STARD3NL: variants seen among roughly 807,000 people sequenced by gnomAD.
The protein encoded by STARD3NL is STARD3 N-terminal-like protein.
Under a neutral mutation model 30.9 loss-of-function variants are expected in STARD3NL, and 17 were observed. The observed-to-expected ratio is 0.55, with a 90% CI of 0.38 to 0.82. The LOEUF (loss-of-function observed/expected upper bound fraction) is 0.82. Among genes scored for constraint, STARD3NL ranks in the 40% least tolerant of loss-of-function variants. The pLI, the probability that STARD3NL is intolerant of heterozygous loss-of-function variation, is 0.00. For synonymous variants in STARD3NL, 112 were observed against 100.5 expected, an observed-to-expected ratio of 1.11 and a Z score of -0.69; for missense variants, 234 against 277.6, an observed-to-expected ratio of 0.84 and a Z score of 1.12.
chr7:38,208,935 C>A (rs150813689), intron 2 of STARD3NL, among the ~76,000 whole-genome samples: 1 of 152,300 alleles, frequency 6.6e-6, no homozygotes, highest in African/African-American at 2.4e-5. Flanking sequence ...GTCACTGAAT[C>A]TCATTTAATT....
chr7:38,194,315 A>G (rs1448863931), intron 1 of STARD3NL, among the ~76,000 whole-genome samples: 3 of 152,106 alleles, frequency 2.0e-5, no homozygotes, highest in Non-Finnish European at 4.4e-5. Flanking sequence ...AAATTTGTTT[A>G]TGAAGTGTTC....
In STARD3NL at chr7:38,207,640, A is replaced by G. The variant is rs1310652315; in HGVS notation, c.136A>G (p.Lys46Glu). The G allele has an allele frequency of 6.2e-7, 1 of 1,614,022 alleles. No homozygotes were observed. The highest frequency in any genetic ancestry group is 1.1e-5 in the South Asian group (1 of 91,090). ...TGAGTCCTATGAAGGAAGGGAAAAG[A>G]AAGGCATATCTGATGTCAGGAGGAC... ...RIESYEGREK[K>E]GISDVRRTFC... The change falls in exon 2 of 9, where the codon AAA (lysine) becomes GAA (glutamate). Residue 46 changes from lysine to glutamate, a missense_variant. Lys to Glu is a moderately conservative substitution (Grantham distance 56). Coordinates refer to ENST00000009041, the MANE Select transcript of STARD3NL (RefSeq NM_032016.4).
chr7:38,226,152 G>GTTTTATTTTTTTTTTTTTTT (rs1786748710), intron 7 of STARD3NL, among the ~76,000 whole-genome samples: 1 of 102,474 alleles, frequency 9.8e-6, no homozygotes, highest in African/African-American at 3.9e-5. Context: ...TGCCTATCTT[G>GTTTTATTTTTTTTTTTTTTT]TTTTTTTTTT....
chr7:38,208,076 G>C (rs1275817846), intron 2 of STARD3NL, among the ~76,000 whole-genome samples: 3 of 152,154 alleles, frequency 2.0e-5, no homozygotes, highest in Non-Finnish European at 4.4e-5. Flanking sequence ...TTTACATATT[G>C]TTTATGGCTG....
rs1294964899 is a variant in STARD3NL at position 38,202,904 on chromosome 7, C to T, written c.-58-4543C>T. The stretch of plus-strand genomic sequence containing the variant: ...CATGTCCCTACAAAGGACATGAACT[C>T]ATCATTTTTTATGGCTGCATAGTAT... On this transcript the variant is annotated intron_variant, in intron 1 of 8. Transcript: ENST00000009041. Among the ~76,000 whole-genome samples the T allele has an allele frequency of 9.9e-5, 15 of 151,942 alleles. No individual in the cohort carries two copies. In the East Asian group the frequency reaches 1.9e-3, roughly 20 times the overall value.
intron 7 of STARD3NL, among the ~76,000 whole-genome samples, chr7:38,227,340 C>T (rs1487082563): frequency 2.0e-5 from 3 of 152,168 alleles, no homozygotes; most frequent in African/African-American, 7.2e-5. Context: ...CACCTCCTGT[C>T]TCTATGATGG....
intron 7 of STARD3NL, among the ~76,000 whole-genome samples, chr7:38,227,678 T>G (rs78014307): frequency 0.075 from 11,356 of 152,264 alleles, 578 homozygotes; most frequent in Non-Finnish European, 0.11. Context: ...TGCTTTTTTT[T>G]TAATTCCTCT....
At chr7:38,223,286 G>T (rs1786571583) in intron 7 of STARD3NL, among the ~76,000 whole-genome samples, 3 of 152,178 alleles carry the variant, frequency 2.0e-5, no homozygotes, top group African/African-American at 7.2e-5. Flanking sequence ...TAGTTTGTTT[G>T]CAGGCTTGCT....
intron 4 of STARD3NL, chr7:38,215,362 G>C: frequency 2.1e-6 from 1 of 484,066 alleles, no homozygotes; most frequent in South Asian, 3.5e-5. Flanking sequence ...TATTGGCCAA[G>C]CACCAAGCCA....
At chr7:38,228,992 C>A in intron 8 of STARD3NL, 121 bp downstream of exon 8, 1 of 604,428 alleles carries the variant, frequency 1.7e-6, no homozygotes, top group Non-Finnish European at 2.7e-6. Flanking sequence ...ATCTTACTTG[C>A]ATGAATTTAT....
At position 38,217,510 on chromosome 7, in the gene STARD3NL, G is replaced by A. The variant is rs112934808; in HGVS notation, c.553+205G>A. Among the ~76,000 whole-genome samples the A allele has an allele frequency of 2.3e-3, 354 of 152,242 alleles. 3 individuals are homozygous for A. Among genetic ancestry groups the A allele is most frequent in the African/African-American group, 8.2e-3 (340 of 41,528 alleles). Reference sequence around the variant, plus strand: ...TAACAGAAAGCAGCTCCTCTCTCCAGCTATCAGGCCAGGCTTCCCCTGGAA... The same window carrying A: ...TAACAGAAAGCAGCTCCTCTCTCCAACTATCAGGCCAGGCTTCCCCTGGAA... On this transcript the variant is annotated intron_variant, in intron 6 of 8. Coordinates refer to ENST00000009041, the MANE Select transcript of STARD3NL (RefSeq NM_032016.4).
At chr7:38,179,327 T>C (rs568444221) in intron 1 of STARD3NL, among the ~76,000 whole-genome samples, 22 of 152,248 alleles carry the variant, frequency 1.4e-4, no homozygotes, top group Non-Finnish European at 2.9e-4. Context: ...TGATGGATTC[T>C]GATAAGGTGG....
chr7:38,185,825 A>C (rs747828228), intron 1 of STARD3NL, among the ~76,000 whole-genome samples: 1 of 152,132 alleles, frequency 6.6e-6, no homozygotes, highest in Non-Finnish European at 1.5e-5. Context: ...CTTCTTTGGG[A>C]TGAAGGATAG....
At chr7:38,201,221 G>A (rs1419122744) in intron 1 of STARD3NL, among the ~76,000 whole-genome samples, 2 of 152,160 alleles carry the variant, frequency 1.3e-5, no homozygotes, top group Non-Finnish European at 2.9e-5. Context: ...TCTCTGCTTT[G>A]TGTAACTTTT....
intron 7 of STARD3NL, among the ~76,000 whole-genome samples, chr7:38,226,908 G>A (rs1786803523): frequency 6.6e-6 from 1 of 152,190 alleles, no homozygotes; most frequent in African/African-American, 2.4e-5. Context: ...TGGGTACTGG[G>A]AGGTTGGAGA....
chr7:38,213,698 C>T lies in STARD3NL; in HGVS notation c.226-659C>T, dbSNP rs77814629. ...TATTATGCTCCATAGTTTCATTTGT[C>T]GAATTTTGAGCTCGATAATACAAGA... On this transcript the variant is annotated intron_variant, in intron 2 of 8. Transcript: ENST00000009041. Among the ~76,000 whole-genome samples, 772 of 152,176 alleles carry T rather than the reference C, an allele frequency of 5.1e-3. 9 individuals are homozygous for T. The highest frequency in any genetic ancestry group is 0.018 in the African/African-American group (732 of 41,506).
Position 38,182,590 on chromosome 7 carries a change from C to CATG in STARD3NL, c.-59+4174_-59+4176dup, listed in dbSNP as rs1482399635. ...TGTTGGAACTCCTGGCAGCCTCTTA[C>CATG]ATGATGTATCAGTACAGCTCAGGCC... On this transcript the variant is annotated intron_variant, in intron 1 of 8. Coordinates refer to ENST00000009041, the MANE Select transcript of STARD3NL (RefSeq NM_032016.4). Among the ~76,000 whole-genome samples the CATG allele has an allele frequency of 2.0e-5, 3 of 152,280 alleles. No homozygotes were observed. The East Asian group carries it at 5.8e-4, about 29-fold the overall frequency.
At chr7:38,187,164 T>A (rs77039344) in intron 1 of STARD3NL, among the ~76,000 whole-genome samples, 1,879 of 152,306 alleles carry the variant, frequency 0.012, 47 homozygotes, top group African/African-American at 0.043. Context: ...GTGAAATAAC[T>A]GACTACCAAG....
chr7:38,207,013 T>C (rs2116236293), intron 1 of STARD3NL, among the ~76,000 whole-genome samples: 1 of 152,318 alleles, frequency 6.6e-6, no homozygotes, highest in East Asian at 1.9e-4. Context: ...TATAGCTAAT[T>C]TACACATTCT....
Sources: gnomAD v4.1 joint callset for allele counts (sites outside exome capture counted in the v4.1 genomes callset) on GRCh38, gnomAD v4.1.1 for gene constraint, MANE v1.5 for transcripts, NCBI Gene and HGNC (gene_info 2026-07-23, HGNC 2026-07-21) for gene names.